Variants in NBEA observed in about 807,000 individuals in gnomAD.
The protein encoded by NBEA is neurobeachin, also known as lysosomal-trafficking regulator 2.
Under a neutral mutation model 343.4 loss-of-function variants are expected in NBEA, and 44 were observed. The observed-to-expected ratio is 0.13, with a 90% CI of 0.10 to 0.16. NBEA has a LOEUF of 0.16. Among genes scored for constraint, NBEA ranks in the 10% least tolerant of loss-of-function variants. The pLI, the probability that NBEA is intolerant of heterozygous loss-of-function variation, is 1.00. For synonymous variants in NBEA, 1,175 were observed against 1,238.7 expected (o/e 0.95, Z 1.08); for missense variants, 2,555 against 3,631.3 (o/e 0.70, Z 7.62).
chr13:35,194,894 A>G (rs2072471482), intron 30 of NBEA, among the ~76,000 whole-genome samples: 1 of 151,978 alleles, frequency 6.6e-6, no homozygotes, highest in Non-Finnish European at 1.5e-5. Context: ...TTCTGATTTA[A>G]TTTTCACAAA....
chr13:35,253,726 T>A lies in NBEA; in HGVS notation c.5776+21107T>A, dbSNP rs2032249407. 3.3e-5 allele frequency among the ~76,000 whole-genome samples: 5 copies of A among 152,184 alleles called. No homozygotes were observed. In the South Asian group the frequency reaches 1.0e-3, roughly 32 times the overall value. ...TCTTTGTACTACATGGGAGAGTTGA[T>A]TGGTTTCAGCAGAGACCATGTAGTT... On this transcript the variant is annotated intron_variant, in intron 34 of 58. Transcript: ENST00000379939.
At chr13:35,211,446 G>A (rs538433427) in intron 33 of NBEA, among the ~76,000 whole-genome samples, 47 of 152,020 alleles carry the variant, frequency 3.1e-4, no homozygotes, top group Non-Finnish European at 6.6e-4. Context: ...TACTATTTCC[G>A]GTAAAGGTTA....
chr13:35,135,920 C>A (rs903780661), intron 17 of NBEA, among the ~76,000 whole-genome samples: 1 of 151,676 alleles, frequency 6.6e-6, no homozygotes. Context: ...CCCCTCCCCC[C>A]TCAAAAAAAA....
At chr13:35,050,230 T>C in intron 5 of NBEA, 39 bp from the exon 6 acceptor site, 1 of 1,581,030 alleles carries the variant, frequency 6.3e-7, no homozygotes, top group South Asian at 1.2e-5. Context: ...TAGTTCTTTT[T>C]ATCAGAGGAT....
chr13:35,309,803 A>G (rs1217758066), intron 36 of NBEA, among the ~76,000 whole-genome samples: 1 of 152,292 alleles, frequency 6.6e-6, no homozygotes, highest in South Asian at 2.1e-4. Context: ...TAAAGGGACA[A>G]ACCTTATAAG....
At chr13:35,198,410 A>G (rs2072778034) in intron 31 of NBEA, among the ~76,000 whole-genome samples, 1 of 152,178 alleles carries the variant, frequency 6.6e-6, no homozygotes, top group Non-Finnish European at 1.5e-5. Context: ...AAATCCAATG[A>G]AATAAACATT....
intron 49 of NBEA, among the ~76,000 whole-genome samples, chr13:35,634,431 T>G (rs535445984): frequency 6.6e-6 from 1 of 152,338 alleles, no homozygotes; most frequent in South Asian, 2.1e-4. Flanking sequence ...GTTGTACTGG[T>G]TCAGCAAGAG....
intron 1 of NBEA, among the ~76,000 whole-genome samples, chr13:34,977,183 G>A (rs573538194): frequency 2.0e-5 from 3 of 150,162 alleles, no homozygotes; most frequent in South Asian, 2.1e-4. Flanking sequence ...CAGGTGATCC[G>A]CCTGCCTTGG....
intron 36 of NBEA, among the ~76,000 whole-genome samples, chr13:35,340,294 T>C (rs2039513899): frequency 6.6e-6 from 1 of 151,960 alleles, no homozygotes; most frequent in Non-Finnish European, 1.5e-5. Context: ...TATTCAGCCT[T>C]AAAAAGGAAT....
intron 41 of NBEA, among the ~76,000 whole-genome samples, chr13:35,500,931 C>T (rs2076864341): frequency 1.3e-5 from 2 of 151,952 alleles, no homozygotes; most frequent in Non-Finnish European, 2.9e-5. Flanking sequence ...TTATATTTAG[C>T]CATATTATGT....
chr13:35,580,093 A>G (rs1434569533), intron 45 of NBEA, among the ~76,000 whole-genome samples: 1 of 152,026 alleles, frequency 6.6e-6, no homozygotes, highest in Non-Finnish European at 1.5e-5. Context: ...AAACTGAATT[A>G]TAATAATAAA....
chr13:35,631,638 T>TAAAAAAAAAAAAAAAAAAA (rs59333937), intron 49 of NBEA, among the ~76,000 whole-genome samples: 42 of 126,454 alleles, frequency 3.3e-4, no homozygotes, highest in African/African-American at 1.3e-3. Context: ...GTCTCCTTTG[T>TAAAAAAAAAAAAAAAAAAA]AAAAAAAAAA....
chr13:35,368,690 A>G (rs2041261659), intron 38 of NBEA, among the ~76,000 whole-genome samples: 1 of 151,638 alleles, frequency 6.6e-6, no homozygotes, highest in Admixed American at 6.6e-5. Flanking sequence ...TTTAACATTT[A>G]ACAAGACTAT....
chr13:35,109,523 A>G, intron 12 of NBEA, 81 bp downstream of exon 12: 1 of 1,241,784 alleles, frequency 8.1e-7, no homozygotes, highest in Non-Finnish European at 1.1e-6. Context: ...TTCAGTGGAA[A>G]ACATTTGAAC....
intron 36 of NBEA, among the ~76,000 whole-genome samples, chr13:35,346,670 G>A (rs1472740116): frequency 6.6e-6 from 1 of 152,094 alleles, no homozygotes; most frequent in East Asian, 1.9e-4. Context: ...ACAGATTGGA[G>A]AGATAGCTGC....
At chr13:35,419,597 C>G (rs540016960) in intron 38 of NBEA, among the ~76,000 whole-genome samples, 1 of 152,128 alleles carries the variant, frequency 6.6e-6, no homozygotes, top group South Asian at 2.1e-4. Flanking sequence ...TACGTATGTA[C>G]ATATACCATA....
At chr13:35,634,842 A>T (rs1177532247) in intron 49 of NBEA, among the ~76,000 whole-genome samples, 1 of 152,154 alleles carries the variant, frequency 6.6e-6, no homozygotes. Flanking sequence ...TCAATCTGAC[A>T]GGGATAACAC....
intron 41 of NBEA, among the ~76,000 whole-genome samples, chr13:35,537,256 A>G (rs902201498): frequency 2.0e-5 from 3 of 152,132 alleles, no homozygotes; most frequent in African/African-American, 4.8e-5. Flanking sequence ...TACTCTGTTT[A>G]TACTTCTGCT....
At chr13:35,315,648 A>G (rs2037664483) in intron 36 of NBEA, among the ~76,000 whole-genome samples, 1 of 152,126 alleles carries the variant, frequency 6.6e-6, no homozygotes, top group Admixed American at 6.6e-5. Flanking sequence ...AACAGATAAT[A>G]TTTATGTTTA....
Sources: allele counts gnomAD v4.1 joint callset (sites outside exome capture counted in the v4.1 genomes callset), GRCh38; gene constraint gnomAD v4.1.1; transcripts MANE v1.5; gene names NCBI Gene and HGNC (gene_info 2026-07-23, HGNC 2026-07-21).